Variants in SNTG1 observed in about 807,000 individuals in gnomAD.
SNTG1 encodes syntrophin gamma 1.
A neutral mutation model predicts 74.7 loss-of-function variants in SNTG1; 39 were observed. The ratio of observed to expected loss-of-function variants is 0.52; its 90% CI spans 0.40 to 0.68. The LOEUF (loss-of-function observed/expected upper bound fraction) is 0.68, where lower values mean the gene tolerates loss of function less well. Among genes scored for constraint, SNTG1 ranks in the 30% least tolerant of loss-of-function variants. The pLI, the probability that SNTG1 is intolerant of heterozygous loss-of-function variation, is 0.00. For missense variants in SNTG1, 685 were observed against 609.5 expected, an observed-to-expected ratio of 1.12 and a Z score of -1.30; for synonymous variants, 254 against 217.1, an observed-to-expected ratio of 1.17 and a Z score of -1.49.
chr8:50,691,496 C>T (rs914991868), intron 15 of SNTG1, among the ~76,000 whole-genome samples: 2 of 152,086 alleles, frequency 1.3e-5, no homozygotes, highest in African/African-American at 4.8e-5. Flanking sequence ...TTTATTTATC[C>T]TTCAGTTATG....
chr8:50,532,669 G>T (rs1440653917), intron 10 of SNTG1, among the ~76,000 whole-genome samples: 1 of 152,138 alleles, frequency 6.6e-6, no homozygotes, highest in Non-Finnish European at 1.5e-5. Context: ...TTTGATGGAG[G>T]AATGGCAAGT....
At chr8:50,767,703 G>T (rs2095617227) in intron 18 of SNTG1, among the ~76,000 whole-genome samples, 1 of 151,752 alleles carries the variant, frequency 6.6e-6, no homozygotes. Flanking sequence ...ATACAGCTAG[G>T]CTTACTGATA....
chr8:50,628,640 T>G (rs2094974002), intron 13 of SNTG1, among the ~76,000 whole-genome samples: 1 of 152,202 alleles, frequency 6.6e-6, no homozygotes, highest in African/African-American at 2.4e-5. Flanking sequence ...TTATGTGAAT[T>G]TATAAACTTT....
chr8:50,068,613 C>T (rs530452444), intron 1 of SNTG1, among the ~76,000 whole-genome samples: 3 of 152,174 alleles, frequency 2.0e-5, no homozygotes, highest in Non-Finnish European at 4.4e-5. Context: ...ACATATTCCA[C>T]GCTACTGATT....
intron 1 of SNTG1, among the ~76,000 whole-genome samples, chr8:50,153,378 A>T (rs1056208364): frequency 6.6e-6 from 1 of 151,754 alleles, no homozygotes; most frequent in African/African-American, 2.4e-5. Context: ...GAGAAGTTTG[A>T]TTGTCTGAAG....
At chr8:50,588,474 G>A (rs887066830) in intron 12 of SNTG1, among the ~76,000 whole-genome samples, 2 of 152,022 alleles carry the variant, frequency 1.3e-5, no homozygotes, top group Admixed American at 1.3e-4. Flanking sequence ...TCAGTAGTTT[G>A]GTTAGTTAAG....
chr8:50,343,089 T>C (rs1343087763), intron 2 of SNTG1, among the ~76,000 whole-genome samples: 1 of 152,118 alleles, frequency 6.6e-6, no homozygotes, highest in Non-Finnish European at 1.5e-5. Context: ...GTCACTGAAA[T>C]TTTTCCTGCT....
intron 1 of SNTG1, among the ~76,000 whole-genome samples, chr8:50,074,160 A>G (rs1035159113): frequency 2.0e-5 from 3 of 152,044 alleles, no homozygotes; most frequent in Non-Finnish European, 2.9e-5. Context: ...CACCTTCATC[A>G]CTTACCTTAG....
At chr8:50,378,023 T>C (rs2092418637) in intron 2 of SNTG1, among the ~76,000 whole-genome samples, 1 of 152,244 alleles carries the variant, frequency 6.6e-6, no homozygotes, top group Admixed American at 6.5e-5. Context: ...TCCACTGGGC[T>C]CGTTCCGCCC....
Position 50,686,825 on chromosome 8 carries a change from T to C in SNTG1, c.1039-17775T>C, listed in dbSNP as rs954052723. Among the ~76,000 whole-genome samples the C allele has an allele frequency of 3.9e-5, 6 of 152,072 alleles. No homozygotes were observed. In the East Asian group the frequency reaches 1.2e-3, roughly 29 times the overall value. On this transcript the variant is annotated intron_variant, in intron 15 of 18. Coordinates refer to ENST00000642720, the MANE Select transcript of SNTG1 (RefSeq NM_018967.5). ...TTTCTGGTAACCAAATAGCAAAAAT[T>C]GCATGACCTGCACAAAATAAACATG... is the stretch of plus-strand genomic sequence containing the variant.
chr8:50,144,708 G>A (rs999942573), intron 1 of SNTG1, among the ~76,000 whole-genome samples: 1 of 152,190 alleles, frequency 6.6e-6, no homozygotes, highest in African/African-American at 2.4e-5. Flanking sequence ...GCAGGCGACT[G>A]AGTGGGCAGG....
At chr8:50,588,212 T>C (rs1585772139) in intron 12 of SNTG1, among the ~76,000 whole-genome samples, 1 of 152,318 alleles carries the variant, frequency 6.6e-6, no homozygotes. Flanking sequence ...GTACTAACAA[T>C]ATAACATTTT....
chr8:50,783,568 G>A (rs929101859), intron 18 of SNTG1, among the ~76,000 whole-genome samples: 4 of 152,224 alleles, frequency 2.6e-5, no homozygotes, highest in African/African-American at 9.6e-5. Context: ...GTATTCGGGT[G>A]GGAGTGACCC....
At chr8:50,214,866 A>T (rs993790740) in intron 2 of SNTG1, among the ~76,000 whole-genome samples, 1 of 152,198 alleles carries the variant, frequency 6.6e-6, no homozygotes, top group African/African-American at 2.4e-5. Flanking sequence ...AAAGCTGAGG[A>T]TACTATAGAA....
chr8:50,050,874 T>C (rs1819509920), intron 1 of SNTG1, among the ~76,000 whole-genome samples: 2 of 152,102 alleles, frequency 1.3e-5, no homozygotes, highest in African/African-American at 2.4e-5. Flanking sequence ...AATAAATTAA[T>C]TTAATTTTCC....
chr8:49,967,384 T>C (rs1811239190), intron 1 of SNTG1, among the ~76,000 whole-genome samples: 1 of 152,224 alleles, frequency 6.6e-6, no homozygotes, highest in Non-Finnish European at 1.5e-5. Context: ...TTATCTATTA[T>C]AAAATCTACT....
In SNTG1 at chr8:50,085,503, CT is replaced by C. The variant is rs1586201068; in HGVS notation, c.-102-87057del. Among the ~76,000 whole-genome samples, 3 of 152,330 alleles carry C rather than the reference CT, an allele frequency of 2.0e-5. No homozygotes were observed. In the South Asian group the frequency reaches 6.2e-4, roughly 32 times the overall value. ...GGATTTGAAGATCAAAGATAAGGCT[CT>C]ATGCACAGTGTAACCAGCATCCTCA... On this transcript the variant is annotated intron_variant, in intron 1 of 18. Coordinates refer to ENST00000642720, the MANE Select transcript of SNTG1 (RefSeq NM_018967.5).
At chr8:50,280,475 G>A (rs562484304) in intron 2 of SNTG1, among the ~76,000 whole-genome samples, 51 of 152,234 alleles carry the variant, frequency 3.4e-4, no homozygotes, top group South Asian at 3.3e-3. Context: ...TTTATTCTGA[G>A]CCAAGTAAGT....
chr8:50,114,312 C>T (rs2080726883), intron 1 of SNTG1, among the ~76,000 whole-genome samples: 1 of 152,124 alleles, frequency 6.6e-6, no homozygotes, highest in Non-Finnish European at 1.5e-5. Context: ...GAATGTATCT[C>T]ATTGCTAATA....
Sources: allele counts gnomAD v4.1 joint callset (sites outside exome capture counted in the v4.1 genomes callset), GRCh38; gene constraint gnomAD v4.1.1; transcripts MANE v1.5; gene names NCBI Gene and HGNC (gene_info 2026-07-23, HGNC 2026-07-21).